CXXC5: variants seen among roughly 807,000 people sequenced by gnomAD.
CXXC5 encodes CXXC finger protein 5.
Under a neutral mutation model 17.6 loss-of-function variants are expected in CXXC5, and 2 were observed. The observed-to-expected ratio is 0.11, with a 90% CI of 0.05 to 0.36. The LOEUF (loss-of-function observed/expected upper bound fraction) is 0.36. Ranked by LOEUF, CXXC5 falls within the 10% of genes least tolerant of loss-of-function variation. The pLI, the probability that CXXC5 is intolerant of heterozygous loss-of-function variation, is 1.00. For synonymous variants in CXXC5, 171 were observed against 193.0 expected, an observed-to-expected ratio of 0.89 and a Z score of 0.94; for missense variants, 343 against 458.3, an observed-to-expected ratio of 0.75 and a Z score of 2.30.
upstream of CXXC5, chr5:139,648,058 T>C (rs1754957395): frequency 6.6e-6 from 1 of 151,174 alleles, no homozygotes; most frequent in Admixed American, 6.6e-5. Context: ...GTCCTTTTTT[T>C]TTTTTTTTTG....
At position 139,678,661 on chromosome 5, in the gene CXXC5, C is replaced by T. The variant is rs1757002520; in HGVS notation, c.-160-1703C>T. ...TCCCCCCCGCTTGGGGCCTCAGTTT[C>T]CCCCTCTGTAAATGCAGAGGGTTGG... On this transcript the variant is annotated intron_variant, in intron 1 of 2. Coordinates refer to ENST00000302517, the MANE Select transcript of CXXC5 (RefSeq NM_016463.9). Among the ~76,000 whole-genome samples, 7 of 151,844 alleles carry T rather than the reference C, an allele frequency of 4.6e-5. No individual in the cohort carries two copies. The South Asian group carries it at 1.3e-3, about 27-fold the overall frequency.
intron 1 of CXXC5, 81 bp from the exon 2 acceptor site, chr5:139,680,283 G>A: frequency 1.7e-6 from 1 of 582,592 alleles, no homozygotes. Context: ...AGGATGACAG[G>A]ACCGTTGATA....
At chr5:139,647,475 A>C (rs1754937199), upstream of CXXC5, 1 of 152,266 alleles carries the variant, frequency 6.6e-6, no homozygotes, top group Admixed American at 6.5e-5. Flanking sequence ...AGGATTAATT[A>C]GCCTAAGATG....
chr5:139,658,637 A>C lies in CXXC5; in HGVS notation c.-161+9792A>C, dbSNP rs1051948151. Among the ~76,000 whole-genome samples the C allele has an allele frequency of 3.9e-5, 6 of 152,130 alleles. No individual in the cohort carries two copies. The highest frequency in any genetic ancestry group is 1.4e-4 in the African/African-American group (6 of 41,434). On this transcript the variant is annotated intron_variant, in intron 1 of 2. Transcript: ENST00000302517. The surrounding 1 kb of genome is among the most constrained non-coding windows in gnomAD (Gnocchi z 4.1). ...GCCCGCCCGCTGCCCACGCTTCCCG[A>C]GGCACCAGCGTGAGGAGGAAATGCA... is the stretch of plus-strand genomic sequence containing the variant.
intron 1 of CXXC5, among the ~76,000 whole-genome samples, chr5:139,675,102 A>G (rs1419955422): frequency 1.3e-5 from 2 of 151,878 alleles, no homozygotes; most frequent in East Asian, 1.9e-4. Context: ...GCTCCTGTGC[A>G]CTCCTGGAAG....
At chr5:139,672,915 A>G (rs893973814) in intron 1 of CXXC5, among the ~76,000 whole-genome samples, 1 of 152,054 alleles carries the variant, frequency 6.6e-6, no homozygotes, top group African/African-American at 2.4e-5. Flanking sequence ...AACACACCCC[A>G]CACAGGAGCC....
intron 1 of CXXC5, among the ~76,000 whole-genome samples, chr5:139,660,939 C>T (rs1110065): frequency 2.9e-5 from 4 of 138,986 alleles, no homozygotes; most frequent in Admixed American, 1.5e-4. Context: ...GCCTGGTGGC[C>T]GGCGGGACAG....
chr5:139,667,952 G>A (rs77695886), intron 1 of CXXC5, among the ~76,000 whole-genome samples: 6 of 152,262 alleles, frequency 3.9e-5, no homozygotes, highest in African/African-American at 1.4e-4. Context: ...CTGGTGTGCT[G>A]AAAAGAAGTT....
intron 1 of CXXC5, 195 bp downstream of exon 1, chr5:139,649,040 G>A (rs1755012188): frequency 6.6e-6 from 1 of 152,238 alleles, no homozygotes; most frequent in African/African-American, 2.4e-5. Flanking sequence ...GGAAGGAGGG[G>A]TCCGTATTTG....
rs1755813599 is a variant in CXXC5, at chr5:139,661,546, A to G, written c.-161+12701A>G. 1.3e-5 allele frequency among the ~76,000 whole-genome samples: 2 copies of G among 152,192 alleles called. No homozygotes were observed. The highest frequency in any genetic ancestry group is 2.9e-5 in the Non-Finnish European group (2 of 68,026). ...CTGGCACACACACCCACTGGCACGT[A>G]CCTAGGCGAATGCACATACACAGGC... is the stretch of plus-strand genomic sequence containing the variant. On this transcript the variant is annotated intron_variant, in intron 1 of 2. Coordinates refer to ENST00000302517, the MANE Select transcript of CXXC5 (RefSeq NM_016463.9). This position sits in a 1 kb window ranked among gnomAD's most constrained non-coding sequence, Gnocchi z 4.7.
In CXXC5 at chr5:139,680,683, C is replaced by T; in HGVS notation, c.160C>T (p.Pro54Ser). Residue 54 changes from proline to serine, a missense_variant, in exon 2 of 3, where the codon CCA (proline) becomes TCA (serine). Pro to Ser is a moderately conservative substitution (Grantham distance 74). This residue lies in a region of CXXC5 where 297 missense variants were observed against 363.4 expected (regional missense o/e 0.82). Coordinates refer to ENST00000302517, the MANE Select transcript of CXXC5 (RefSeq NM_016463.9). ...AAPASVADDT[P>S]PPERRNKSGI... Reference sequence around the variant, plus strand: ...ACCAGCCTCAGTGGCAGATGACACACCACCCCCCGAGCGTCGGAACAAGAG... The same window carrying T: ...ACCAGCCTCAGTGGCAGATGACACATCACCCCCCGAGCGTCGGAACAAGAG... 1 of 1,613,308 alleles carries T rather than the reference C, an allele frequency of 6.2e-7. No individual in the cohort carries two copies. Among genetic ancestry groups the T allele is most frequent in the Non-Finnish European group, 8.5e-7 (1 of 1,180,022 alleles).
intron 1 of CXXC5, among the ~76,000 whole-genome samples, chr5:139,671,203 G>A (rs1378963349): frequency 6.6e-6 from 1 of 152,234 alleles, no homozygotes; most frequent in East Asian, 1.9e-4. Context: ...GGGGCGGGGG[G>A]TTCCAGGTGT....
chr5:139,673,036 C>T (rs1395812524), intron 1 of CXXC5, among the ~76,000 whole-genome samples: 1 of 152,116 alleles, frequency 6.6e-6, no homozygotes, highest in Non-Finnish European at 1.5e-5. Flanking sequence ...TGAGGGGGTA[C>T]GTGGGCCTGA....
chr5:139,678,796 G>A (rs1377559153), intron 1 of CXXC5, among the ~76,000 whole-genome samples: 6 of 152,184 alleles, frequency 3.9e-5, no homozygotes, highest in Non-Finnish European at 5.9e-5. Flanking sequence ...GCGTGATGGG[G>A]CCCGCCAGAT....
At chr5:139,681,787 C>G (rs140078201) in intron 2 of CXXC5, among the ~76,000 whole-genome samples, 127 of 152,328 alleles carry the variant, frequency 8.3e-4, no homozygotes, top group African/African-American at 3.0e-3. Context: ...TTCTGATGCT[C>G]AGACATGGCC....
intron 2 of CXXC5, 81 bp downstream of exon 2, chr5:139,681,528 T>C: frequency 6.7e-7 from 1 of 1,481,600 alleles, no homozygotes; most frequent in Non-Finnish European, 9.0e-7. Context: ...CTGACCCCAC[T>C]TTTCCTACCT....
intron 1 of CXXC5, 57 bp from the exon 2 acceptor site, chr5:139,680,307 C>T (rs959220922): frequency 6.5e-6 from 4 of 616,502 alleles, no homozygotes; most frequent in East Asian, 2.8e-5. Context: ...GCGGTGGTGG[C>T]GATGTTGAAG....
Position 139,682,994 on chromosome 5 carries a change from T to G in CXXC5, c.*87T>G. 1 of 1,219,066 alleles carries G rather than the reference T, an allele frequency of 8.2e-7. No homozygotes were observed. The highest frequency in any genetic ancestry group is 1.1e-6 in the Non-Finnish European group (1 of 908,594). 75.5% of individuals were successfully genotyped at this position (1,219,066 alleles called of 1,614,324 possible). ...AGGGATTCGGGCGAAGACAAACGGA[T>G]GCACCCGTCTTTAGAACCAAAAATA... On this transcript the variant is annotated 3_prime_UTR_variant, in exon 3 of 3. Coordinates refer to ENST00000302517, the MANE Select transcript of CXXC5 (RefSeq NM_016463.9).
chr5:139,676,942 G>A (rs1051140261), intron 1 of CXXC5, among the ~76,000 whole-genome samples: 15 of 117,644 alleles, frequency 1.3e-4, no homozygotes, highest in Admixed American at 8.8e-4. Flanking sequence ...TTCTGCCCCC[G>A]CATGCCCCTC....
Sources: allele counts gnomAD v4.1 joint callset (sites outside exome capture counted in the v4.1 genomes callset), GRCh38; gene constraint gnomAD v4.1.1; regional missense constraint gnomAD v4.1.1; non-coding constraint Gnocchi (gnomAD v3.1); transcripts MANE v1.5; gene names NCBI Gene and HGNC (gene_info 2026-07-23, HGNC 2026-07-21).